The following LARGE1 variants were observed in gnomAD, a reference collection of about 807,000 sequenced individuals.
LARGE1 encodes the protein xylosyl- and glucuronyltransferase LARGE1.
A neutral mutation model predicts 87.6 loss-of-function variants in LARGE1; 43 were observed. The observed-to-expected ratio is 0.49, with a 90% confidence interval of 0.38 to 0.63. LARGE1 has a LOEUF of 0.63. LARGE1 is among the 30% of genes least tolerant of loss of function. The pLI is 0.00. For synonymous variants in LARGE1, 434 were observed against 394.6 expected (o/e 1.10, Z -1.18); for missense variants, 802 against 1,000.2 (o/e 0.80, Z 2.67).
chr22:33,420,342 A>C (rs1377188824), intron 7 of LARGE1, among the ~76,000 whole-genome samples: 3 of 152,212 alleles, frequency 2.0e-5, no homozygotes, highest in Non-Finnish European at 4.4e-5. Flanking sequence ...TGAAATTGAC[A>C]GAAAAAAATT....
At chr22:33,538,810 G>A (rs569025153) in intron 6 of LARGE1, among the ~76,000 whole-genome samples, 1 of 152,328 alleles carries the variant, frequency 6.6e-6, no homozygotes, top group East Asian at 1.9e-4. Flanking sequence ...TCTAGAAAAT[G>A]AGCTTCTGAT....
intron 6 of LARGE1, among the ~76,000 whole-genome samples, chr22:33,545,720 TGA>T (rs1392283279): frequency 1.3e-5 from 2 of 152,104 alleles, no homozygotes; most frequent in Non-Finnish European, 2.9e-5. Flanking sequence ...ATTACAGGCA[TGA>T]GCCCCTGCGC....
At chr22:33,465,260 A>G (rs1468245408) in intron 6 of LARGE1, among the ~76,000 whole-genome samples, 1 of 152,192 alleles carries the variant, frequency 6.6e-6, no homozygotes, top group East Asian at 1.9e-4. Context: ...AGAAATACAT[A>G]TTGCTTGTGA....
intron 1 of LARGE1, among the ~76,000 whole-genome samples, chr22:33,782,163 A>ATCC (rs1233156093): frequency 7.9e-5 from 12 of 152,172 alleles, no homozygotes; most frequent in Admixed American, 6.5e-4. Context: ...TGTTTGTTTT[A>ATCC]TCCTCCTCCT....
At chr22:33,544,409 A>G (rs2077295497) in intron 6 of LARGE1, among the ~76,000 whole-genome samples, 1 of 152,138 alleles carries the variant, frequency 6.6e-6, no homozygotes, top group Admixed American at 6.5e-5. Context: ...CCTTTCTACC[A>G]GGTGCGGTGG....
intron 11 of LARGE1, among the ~76,000 whole-genome samples, chr22:33,177,766 A>G (rs1252989996): frequency 6.6e-6 from 1 of 152,166 alleles, no homozygotes; most frequent in Non-Finnish European, 1.5e-5. Flanking sequence ...GTCTCACTTG[A>G]TATGGTTTGA....
intron 6 of LARGE1, among the ~76,000 whole-genome samples, chr22:33,436,155 C>A (rs1010457651): frequency 9.9e-5 from 15 of 152,268 alleles, no homozygotes; most frequent in African/African-American, 3.6e-4. Context: ...CTTCTAGCTG[C>A]GTAGCCGTGA....
At chr22:33,817,111 T>C (rs1442391022) in intron 1 of LARGE1, among the ~76,000 whole-genome samples, 1 of 152,172 alleles carries the variant, frequency 6.6e-6, no homozygotes, top group South Asian at 2.1e-4. Context: ...TGCATACACA[T>C]ATACATACAA....
chr22:33,535,398 C>A (rs1334205474), intron 6 of LARGE1, among the ~76,000 whole-genome samples: 1 of 152,072 alleles, frequency 6.6e-6, no homozygotes, highest in East Asian at 1.9e-4. Flanking sequence ...CGAAAATTTG[C>A]TGGATGTGGT....
intron 2 of LARGE1, among the ~76,000 whole-genome samples, chr22:33,705,163 AAC>A (rs2082524645): frequency 6.6e-6 from 1 of 152,180 alleles, no homozygotes; most frequent in Non-Finnish European, 1.5e-5. Context: ...CTGTGGTGGA[AAC>A]ACACACAATA....
At chr22:33,604,579 A>G (rs1461967990) in intron 4 of LARGE1, 21 bp from the exon 5 acceptor site, 2 of 1,613,848 alleles carry the variant, frequency 1.2e-6, no homozygotes, top group Non-Finnish European at 1.7e-6. Flanking sequence ...TGTGAGAAGG[A>G]AGGGTCAGGT....
At chr22:33,275,331 C>T (rs529907826) in intron 14 of LARGE1, among the ~76,000 whole-genome samples, 1 of 152,302 alleles carries the variant, frequency 6.6e-6, no homozygotes, top group Non-Finnish European at 1.5e-5. Flanking sequence ...GAGAACTCAG[C>T]ACACTTTTAC....
intron 2 of LARGE1, among the ~76,000 whole-genome samples, chr22:33,671,953 A>G (rs2081427843): frequency 6.6e-6 from 1 of 152,230 alleles, no homozygotes; most frequent in South Asian, 2.1e-4. Context: ...TTACATGAAG[A>G]TGTTTTACCT....
intron 2 of LARGE1, among the ~76,000 whole-genome samples, chr22:33,754,938 C>T (rs960972331): frequency 1.3e-5 from 2 of 152,256 alleles, no homozygotes; most frequent in Admixed American, 1.3e-4. Context: ...AGACACAGGG[C>T]TGGGGAATCA....
chr22:33,346,984 A>T (rs1939838394), intron 9 of LARGE1, among the ~76,000 whole-genome samples: 1 of 152,178 alleles, frequency 6.6e-6, no homozygotes, highest in Non-Finnish European at 1.5e-5. Flanking sequence ...GTAAACAGAG[A>T]TGTGATGACT....
At chr22:33,259,590 A>G (rs1266871397) in intron 11 of LARGE1, among the ~76,000 whole-genome samples, 1 of 152,232 alleles carries the variant, frequency 6.6e-6, no homozygotes, top group Non-Finnish European at 1.5e-5. Flanking sequence ...CAGGAACTAC[A>G]GAGCTTATTC....
chr22:33,834,471 G>GAGC (rs2063058610), intron 1 of LARGE1, among the ~76,000 whole-genome samples: 1 of 152,028 alleles, frequency 6.6e-6, no homozygotes, highest in African/African-American at 2.4e-5. Context: ...CTCCCCCAGT[G>GAGC]AGCACCTTGT....
At position 33,323,924 on chromosome 22, in the gene LARGE1, T is replaced by A. The variant is rs560622650; in HGVS notation, c.1288-7676A>T. Among the ~76,000 whole-genome samples the A allele has an allele frequency of 1.1e-4, 16 of 152,260 alleles. No individual in the cohort carries two copies. The South Asian group carries it at 3.3e-3, about 32-fold the overall frequency. ...GCTAATGTTATCTCAATGGGGAGAC[T>A]CTAGCAGTTTAGAAACTGCCTCCTT... On this transcript the variant is annotated intron_variant, in intron 10 of 14. Coordinates refer to ENST00000397394, the MANE Select transcript of LARGE1 (RefSeq NM_133642.5).
chr22:33,405,334 CAGAACAGGCCA>C (rs1275624384), intron 7 of LARGE1, among the ~76,000 whole-genome samples: 17 of 152,320 alleles, frequency 1.1e-4, no homozygotes, highest in Non-Finnish European at 2.4e-4. Flanking sequence ...CTGTCAGTTC[CAGAACAGGCCA>C]AGCTGGAGCC....
Sources: allele counts gnomAD v4.1 joint callset (sites outside exome capture counted in the v4.1 genomes callset), GRCh38; gene constraint gnomAD v4.1.1; transcripts MANE v1.5; gene names NCBI Gene and HGNC (gene_info 2026-07-23, HGNC 2026-07-21).